The following PWWP3B variants were observed in gnomAD, a reference collection of about 807,000 sequenced individuals.
The protein encoded by PWWP3B is PWWP domain-containing DNA repair factor 3B.
Under a neutral mutation model 15.7 loss-of-function variants are expected in PWWP3B, and 5 were observed. The observed-to-expected ratio is 0.32, with a 90% CI of 0.17 to 0.67. The LOEUF (loss-of-function observed/expected upper bound fraction) is 0.67. Among genes scored for constraint, PWWP3B ranks in the 30% least tolerant of loss-of-function variants. The pLI is 0.74. For synonymous variants in PWWP3B, 203 were observed against 179.8 expected (o/e 1.13, Z -1.03); for missense variants, 519 against 493.1 (o/e 1.05, Z -0.50).
chrX:106,201,037 G>C (rs1292667663), intron 2 of PWWP3B, among the ~76,000 whole-genome samples: 3 of 105,825 alleles, frequency 2.8e-5, no homozygotes, highest in Non-Finnish European at 5.8e-5. Context: ...GACAGAGTAA[G>C]ACTCCGTCTC....
chrX:106,175,689 C>A (rs1165672299), intron 2 of PWWP3B, among the ~76,000 whole-genome samples: 2 of 111,265 alleles, frequency 1.8e-5, no homozygotes, highest in Non-Finnish European at 3.8e-5. Context: ...CAGACTTTGG[C>A]TCCGATTTTG....
chrX:106,184,333 C>G (rs1275113782), intron 2 of PWWP3B, among the ~76,000 whole-genome samples: 1 of 111,313 alleles, frequency 9.0e-6, no homozygotes, highest in African/African-American at 3.3e-5. Flanking sequence ...TTTCTTAAGG[C>G]CTCCCATAGC....
chrX:106,189,823 T>C (rs1343134481), intron 2 of PWWP3B, among the ~76,000 whole-genome samples: 1 of 110,121 alleles, frequency 9.1e-6, no homozygotes, highest in African/African-American at 3.3e-5. Flanking sequence ...TTCACCGTGT[T>C]AGCCAGGATG....
intron 2 of PWWP3B, among the ~76,000 whole-genome samples, chrX:106,197,157 C>T (rs1923427190): frequency 8.9e-6 from 1 of 111,747 alleles, no homozygotes; most frequent in African/African-American, 3.3e-5. Flanking sequence ...GGCAGCTAAC[C>T]TCTGATTTGT....
At chrX:106,169,380 A>G (rs965179903) in intron 1 of PWWP3B, among the ~76,000 whole-genome samples, 1 of 112,159 alleles carries the variant, frequency 8.9e-6, no homozygotes. Flanking sequence ...GCCGTGAACA[A>G]CTCAGGGTTT....
At chrX:106,191,224 G>C (rs1922931203) in intron 2 of PWWP3B, among the ~76,000 whole-genome samples, 2 of 111,065 alleles carry the variant, frequency 1.8e-5, no homozygotes, top group African/African-American at 6.6e-5. Flanking sequence ...ATTTCATTGA[G>C]CAGTGGTTTG....
rs1923999816 is a variant in PWWP3B at position 106,206,123 on chromosome X, G to T, written c.691G>T (p.Val231Phe). 1.7e-6 allele frequency: 2 copies of T among 1,209,546 alleles called. No individual in the cohort carries two copies. Among genetic ancestry groups the T allele is most frequent in the Non-Finnish European group, 2.2e-6 (2 of 894,846 alleles). Residue 231 changes from valine to phenylalanine, a missense_variant, in exon 4 of 4, where the codon GTT (valine) becomes TTT (phenylalanine). Coordinates refer to ENST00000357175, the MANE Select transcript of PWWP3B (RefSeq NM_001171020.2). The part of the protein sequence containing the change: ...HSAVKEESAC[V>F]KDEKFAPPLS... ...TGCAGTCAAAGAGGAAAGTGCATGTGTTAAAGATGAAAAGTTTGCTCCACC... is the reference window on the plus strand; with the variant it reads ...TGCAGTCAAAGAGGAAAGTGCATGTTTTAAAGATGAAAAGTTTGCTCCACC...
At chrX:106,180,766 A>G (rs992993643) in intron 2 of PWWP3B, among the ~76,000 whole-genome samples, 1 of 112,179 alleles carries the variant, frequency 8.9e-6, no homozygotes, top group Non-Finnish European at 1.9e-5. Context: ...TCTATGGTCT[A>G]TTTGAAACCT....
chrX:106,179,714 G>A (rs1922086501), intron 2 of PWWP3B, among the ~76,000 whole-genome samples: 1 of 111,991 alleles, frequency 8.9e-6, no homozygotes, highest in Non-Finnish European at 1.9e-5. Flanking sequence ...ACTACTATCT[G>A]TGTGACAGTG....
chrX:106,171,933 A>G (rs935528177), intron 2 of PWWP3B, among the ~76,000 whole-genome samples: 41 of 111,278 alleles, frequency 3.7e-4, no homozygotes, highest in African/African-American at 1.3e-3. Flanking sequence ...TTTTACGATT[A>G]ACATTTTTTT....
intron 2 of PWWP3B, among the ~76,000 whole-genome samples, chrX:106,189,706 C>T (rs1464467584): frequency 9.4e-6 from 1 of 106,625 alleles, no homozygotes; most frequent in African/African-American, 3.4e-5. Flanking sequence ...CAAGCTCTGC[C>T]TCCCGGGTTC....
At chrX:106,173,676 T>G (rs954646245) in intron 2 of PWWP3B, among the ~76,000 whole-genome samples, 1 of 112,091 alleles carries the variant, frequency 8.9e-6, no homozygotes, top group South Asian at 3.7e-4. Flanking sequence ...ATGAGGCTTC[T>G]TAAAAAACAA....
chrX:106,185,811 C>T (rs1276607089), intron 2 of PWWP3B, among the ~76,000 whole-genome samples: 2 of 111,812 alleles, frequency 1.8e-5, no homozygotes, highest in Non-Finnish European at 3.8e-5. Context: ...CACCTTTTGT[C>T]CTCACTTCTC....
chrX:106,204,950 G>A (rs771069541), intron 3 of PWWP3B, among the ~76,000 whole-genome samples: 2 of 110,966 alleles, frequency 1.8e-5, no homozygotes, highest in South Asian at 3.9e-4. Flanking sequence ...AAGCTCTCCC[G>A]CCTCTGCTGC....
Position 106,206,895 on chromosome X carries a change from C to G in PWWP3B, c.1463C>G (p.Ser488Cys). 3.3e-6 allele frequency: 4 copies of G among 1,210,815 alleles called. No individual in the cohort carries two copies. Among genetic ancestry groups the G allele is most frequent in the Non-Finnish European group, 4.5e-6 (4 of 895,151 alleles). ...VRIGCGSFTG[S>C]LLEYYAADIS... ...ATAGGTTGTGGTTCTTTCACGGGCTCTTTGCTTGAGTATTATGCTGCTGAT... is the reference window on the plus strand; with the variant it reads ...ATAGGTTGTGGTTCTTTCACGGGCTGTTTGCTTGAGTATTATGCTGCTGAT... The change falls in exon 4 of 4, where the codon TCT becomes TGT. Residue 488 changes from serine (S) to cysteine (C), a missense_variant. Ser to Cys is a moderately radical substitution (Grantham distance 112). Transcript: ENST00000357175.
chrX:106,195,162 C>A (rs1461018370), intron 2 of PWWP3B, among the ~76,000 whole-genome samples: 5 of 111,844 alleles, frequency 4.5e-5, no homozygotes, highest in African/African-American at 1.6e-4. Flanking sequence ...ATTCATATGT[C>A]TTTTCTGATG....
At chrX:106,189,454 C>T (rs1256801632) in intron 2 of PWWP3B, among the ~76,000 whole-genome samples, 1 of 109,251 alleles carries the variant, frequency 9.2e-6, no homozygotes. Flanking sequence ...TTGTTCAATT[C>T]CCACCTATGA....
At chrX:106,195,358 A>AT (rs2147623357) in intron 2 of PWWP3B, among the ~76,000 whole-genome samples, 1 of 111,703 alleles carries the variant, frequency 9.0e-6, no homozygotes, top group Admixed American at 9.5e-5. Context: ...TTCAAGTCCA[A>AT]TTTATTAATT....
chrX:106,188,677 A>G (rs1474440565), intron 2 of PWWP3B, among the ~76,000 whole-genome samples: 1 of 112,303 alleles, frequency 8.9e-6, no homozygotes, highest in Non-Finnish European at 1.9e-5. Flanking sequence ...GTCAATCCAT[A>G]TCTCTGTCAG....
Sources: allele counts gnomAD v4.1 joint callset (sites outside exome capture counted in the v4.1 genomes callset), GRCh38; gene constraint gnomAD v4.1.1; transcripts MANE v1.5; gene names NCBI Gene and HGNC (gene_info 2026-07-23, HGNC 2026-07-21).